SPG11: variants seen among roughly 807,000 people sequenced by gnomAD.
SPG11 encodes the protein SPG11 vesicle trafficking associated, spatacsin.
A neutral mutation model predicts 274.0 loss-of-function variants in SPG11; 222 were observed. The ratio of observed to expected loss-of-function variants is 0.81; its 90% CI spans 0.73 to 0.91. The LOEUF (loss-of-function observed/expected upper bound fraction) is 0.91. Among genes scored for constraint, SPG11 ranks in the 40% least tolerant of loss-of-function variants. SPG11 has a pLI of 0.00. For missense variants in SPG11, 3,114 were observed against 2,872.7 expected, an observed-to-expected ratio of 1.08 and a Z score of -1.92; for synonymous variants, 1,144 against 1,039.7, an observed-to-expected ratio of 1.10 and a Z score of -1.93.
rs1361356737 is a variant in SPG11 at position 44,608,520 on chromosome 15, A to C, written c.3377T>G (p.Leu1126Arg). The change falls in exon 19 of 40, where the codon CTA (leucine) becomes CGA (arginine). Residue 1126 changes from leucine to arginine, a missense_variant. Coordinates refer to ENST00000261866, the MANE Select transcript of SPG11 (RefSeq NM_025137.4). ...GCACTGTGGGAAGAGAGCAGTTTTT[A>C]GCTTGGGGTAAGGAGTTAATGCCAT... is the stretch of plus-strand genomic sequence containing the variant. ...LKMALTPYPK[L>R]KTALFPQCTP... 6.2e-7 allele frequency: 1 copy of C among 1,614,148 alleles called. No individual in the cohort carries two copies. Among genetic ancestry groups the C allele is most frequent in the East Asian group, 2.2e-5 (1 of 44,876 alleles).
Position 44,572,756 on chromosome 15 carries a change from A to C in SPG11, c.6270T>G (p.Cys2090Trp), listed in dbSNP as rs2082449204. The stretch of plus-strand genomic sequence containing the variant: ...TCATGCCTACCAATGTGCGGTCTTG[A>C]CACAGAGTGGTCAGCTGAAGAAATG... ...SQTFLQLTTL[C>W]QDRTLVGMKL... The change falls in exon 33 of 40, where the codon TGT (cysteine) becomes TGG (tryptophan). Residue 2090 changes from cysteine to tryptophan, a missense_variant. Cys to Trp is a radical substitution (Grantham distance 215, BLOSUM62 -2). Coordinates refer to ENST00000261866, the MANE Select transcript of SPG11 (RefSeq NM_025137.4). 5.6e-6 allele frequency: 9 copies of C among 1,613,956 alleles called. No homozygotes were observed. Among genetic ancestry groups the C allele is most frequent in the Admixed American group, 1.7e-5 (1 of 59,980 alleles).
chr15:44,585,592 A>AC, intron 29 of SPG11, 44 bp downstream of exon 29: 1 of 1,503,022 alleles, frequency 6.7e-7, no homozygotes, highest in East Asian at 2.3e-5. Flanking sequence ...ACAGAGCAAG[A>AC]CCCCGTATCT....
In SPG11 at chr15:44,564,593, GCTT is replaced by G; in HGVS notation, c.7102_7104del (p.Lys2368del). 2 of 1,613,834 alleles carry G rather than the reference GCTT, an allele frequency of 1.2e-6. No individual in the cohort carries two copies. The highest frequency in any genetic ancestry group is 1.7e-6 in the Non-Finnish European group (2 of 1,179,788). ...ATACTGGACTTTAATAACCTTTGCT[GCTT>G]AAATTCTTCCAAGTAATTAAAGTCT... On this transcript the variant is annotated inframe_deletion, in exon 39 of 40. Transcript: ENST00000261866.
chr15:44,628,675 G>A lies in SPG11; in HGVS notation c.2061C>T (p.Ser687=), dbSNP rs1484962786. The A allele has an allele frequency of 6.2e-7, 1 of 1,613,120 alleles. No homozygotes were observed. The highest frequency in any genetic ancestry group is 8.5e-7 in the Non-Finnish European group (1 of 1,179,590). Residue 687 remains serine, a synonymous_variant, in exon 10 of 40, where the codon AGC becomes AGT. Coordinates refer to ENST00000261866, the MANE Select transcript of SPG11 (RefSeq NM_025137.4). ...VKESNIWKKL[S]FEEVIASAIL... Reference sequence around the variant, plus strand: ...GATGATTATTCGTACTTACCTCAAAGCTGAGTTTCTTCCATATATTGCTCT... The same window carrying A: ...GATGATTATTCGTACTTACCTCAAAACTGAGTTTCTTCCATATATTGCTCT...
intron 25 of SPG11, among the ~76,000 whole-genome samples, chr15:44,595,745 G>T (rs1419675743): frequency 6.6e-6 from 1 of 152,172 alleles, no homozygotes; most frequent in East Asian, 1.9e-4. Flanking sequence ...CCACTGATCT[G>T]CTGATTAAAG....
At chr15:44,636,992 A>G (rs2050108791) in intron 7 of SPG11, among the ~76,000 whole-genome samples, 1 of 148,498 alleles carries the variant, frequency 6.7e-6, no homozygotes, top group Admixed American at 6.7e-5. Context: ...AAATGTTAAT[A>G]GTTGGTGAAC....
chr15:44,578,406 CCCT>C (rs926261121), intron 30 of SPG11, among the ~76,000 whole-genome samples: 3 of 152,064 alleles, frequency 2.0e-5, no homozygotes, highest in Non-Finnish European at 4.4e-5. Context: ...TTTTGCATTA[CCCT>C]CCTGTCACCT....
At chr15:44,591,710 T>A (rs1375627337) in intron 27 of SPG11, among the ~76,000 whole-genome samples, 1 of 152,228 alleles carries the variant, frequency 6.6e-6, no homozygotes, top group African/African-American at 2.4e-5. Flanking sequence ...TGGTGGCTCA[T>A]GCCTGTCATC....
intron 10 of SPG11, among the ~76,000 whole-genome samples, chr15:44,627,757 T>A (rs1409872956): frequency 6.6e-6 from 1 of 152,004 alleles, no homozygotes; most frequent in Non-Finnish European, 1.5e-5. Flanking sequence ...ACCTGGCTAA[T>A]TTTTTTGTAT....
intron 30 of SPG11, among the ~76,000 whole-genome samples, chr15:44,576,445 G>A (rs921808701): frequency 6.6e-6 from 1 of 151,826 alleles, no homozygotes. Context: ...TCAGGAGATC[G>A]AGACCATCCT....
intron 34 of SPG11, 37 bp downstream of exon 34, chr15:44,570,488 C>G (rs768834747): frequency 6.2e-7 from 1 of 1,613,774 alleles, no homozygotes; most frequent in South Asian, 1.1e-5. Context: ...TCAAAGGTTT[C>G]CACAGGATGG....
intron 30 of SPG11, among the ~76,000 whole-genome samples, chr15:44,580,290 G>A (rs2082633513): frequency 6.6e-6 from 1 of 152,160 alleles, no homozygotes; most frequent in Non-Finnish European, 1.5e-5. Flanking sequence ...TAGGTGTGTA[G>A]AAGTCTATAC....
intron 15 of SPG11, among the ~76,000 whole-genome samples, chr15:44,617,800 T>C (rs1227886277): frequency 1.3e-5 from 2 of 152,054 alleles, no homozygotes; most frequent in Non-Finnish European, 2.9e-5. Flanking sequence ...CTCAGCCTTC[T>C]GAGTAGCTGG....
intron 8 of SPG11, among the ~76,000 whole-genome samples, chr15:44,629,733 T>C (rs2084004130): frequency 6.6e-6 from 1 of 152,134 alleles, no homozygotes. Flanking sequence ...TTAAAAAAAC[T>C]GAGGTTCAGA....
chr15:44,656,960 T>G (rs2084957491), intron 4 of SPG11, 135 bp downstream of exon 4: 1 of 724,182 alleles, frequency 1.4e-6, no homozygotes, highest in Non-Finnish European at 2.3e-6. Flanking sequence ...TACTTTACAA[T>G]GTATTAGCTA....
chr15:44,609,963 C>T (rs1159254364), intron 18 of SPG11, among the ~76,000 whole-genome samples: 5 of 140,388 alleles, frequency 3.6e-5, no homozygotes, highest in Admixed American at 7.7e-5. Context: ...AGTACACTGG[C>T]GCGATCTCAG....
Position 44,621,738 on chromosome 15 carries a change from T to G in SPG11, c.2620+21A>C, listed in dbSNP as rs557187013. 45 of 1,610,872 alleles carry G rather than the reference T, an allele frequency of 2.8e-5. No individual in the cohort carries two copies. The South Asian group carries it at 4.7e-4, about 17-fold the overall frequency. ...TAATCCTCATTCAGTATGTTCATATTTCAGGCTCTCTCACACTTGCCTTCT... is the reference window on the plus strand; with the variant it reads ...TAATCCTCATTCAGTATGTTCATATGTCAGGCTCTCTCACACTTGCCTTCT... On this transcript the variant is annotated intron_variant, in intron 14 of 39. Transcript: ENST00000261866.
chr15:44,563,068 A>ACAT lies in SPG11; in HGVS notation c.*50_*52dup, dbSNP rs2082225132. On this transcript the variant is annotated 3_prime_UTR_variant, in exon 40 of 40. Transcript: ENST00000261866. ...TCTCCAATGCATTCTTCTTCTCATC[A>ACAT]CATCTGTCAGAATCTGCTAACAGTA... 5.8e-6 allele frequency: 9 copies of ACAT among 1,551,610 alleles called. 1 individual carries two copies. The Middle Eastern group carries it at 1.3e-3, about 232-fold the overall frequency.
chr15:44,641,634 A>ACACACAC (rs1555458681), intron 7 of SPG11, among the ~76,000 whole-genome samples: 5 of 78,532 alleles, frequency 6.4e-5, no homozygotes, highest in Admixed American at 5.3e-4. Flanking sequence ...CACACACACA[A>ACACACAC]AACCTTAATC....
Sources: gnomAD v4.1 joint callset for allele counts (sites outside exome capture counted in the v4.1 genomes callset) on GRCh38, gnomAD v4.1.1 for gene constraint, MANE v1.5 for transcripts, NCBI Gene and HGNC (gene_info 2026-07-23, HGNC 2026-07-21) for gene names.